CYLD: variants seen among roughly 807,000 people sequenced by gnomAD.
CYLD encodes ubiquitin carboxyl-terminal hydrolase CYLD.
In CYLD, 26 loss-of-function variants were observed where a neutral mutation model predicts 104.5. That is an observed-to-expected ratio of 0.25 (90% CI 0.18 to 0.35). CYLD has a LOEUF of 0.35. CYLD is among the 10% of genes least tolerant of loss of function. The pLI is 1.00. For missense variants in CYLD, 703 were observed against 1,136.1 expected (o/e 0.62, Z 5.48); for synonymous variants, 385 against 399.9 (o/e 0.96, Z 0.45).
intron 3 of CYLD, 65 bp downstream of exon 3, chr16:50,750,267 T>TGCACATACA (rs1463526741): frequency 6.4e-7 from 1 of 1,551,316 alleles, no homozygotes; most frequent in Non-Finnish European, 8.9e-7. Context: ...TGTATTTGTA[T>TGCACATACA]GCACATACAT....
chr16:50,777,898 A>G lies in CYLD; in HGVS notation c.1095A>G (p.Ser365=). 1.9e-6 allele frequency: 3 copies of G among 1,606,574 alleles called. No individual in the cohort carries two copies. The highest frequency in any genetic ancestry group is 2.6e-6 in the Non-Finnish European group (3 of 1,173,542). ...FYTLNGSSVD[S]QPQSKSKNTW... ...CCTTAAATGGGTCTTCTGTTGACTCACAACCACAATCCAAATCAAAAAATA... is the reference window on the plus strand; with the variant it reads ...CCTTAAATGGGTCTTCTGTTGACTCGCAACCACAATCCAAATCAAAAAATA... The change falls in exon 8 of 19, where the codon TCA becomes TCG. Residue 365 remains serine (S), a synonymous_variant. Transcript: ENST00000427738.
In CYLD at chr16:50,742,099, G is replaced by C. The variant is rs886052050; in HGVS notation, c.-229G>C. On this transcript the variant is annotated 5_prime_UTR_variant, in exon 1 of 19. Transcript: ENST00000427738. ...GGGGGCGGGCCCAGGTAGCAGGTTT[G>C]GCTGCGCGGGGGCCGCGCGTCGGAG... is the stretch of plus-strand genomic sequence containing the variant. 2.0e-5 allele frequency: 3 copies of C among 152,492 alleles called. No homozygotes were observed. The highest frequency in any genetic ancestry group is 6.5e-5 in the Admixed American group (1 of 15,294). The allele number at this position is 152,492 out of a possible 1,614,324, so 9.4% of individuals were successfully genotyped here.
chr16:50,768,546 T>C (rs1207102602), intron 5 of CYLD, among the ~76,000 whole-genome samples: 1 of 152,230 alleles, frequency 6.6e-6, no homozygotes, highest in East Asian at 1.9e-4. Flanking sequence ...TTCTGAAGGA[T>C]ACCTTTGATT....
In CYLD at chr16:50,772,223, T is replaced by C. The variant is rs190550259; in HGVS notation, c.914-2943T>C. On this transcript the variant is annotated intron_variant, in intron 5 of 18. Coordinates refer to ENST00000427738, the MANE Select transcript of CYLD (RefSeq NM_001378743.1). ...TCTATGCCTATTGATGTTTCCAGGG[T>C]GCTGATTTTTTTATCTCTAAGTATG... 5.9e-5 allele frequency among the ~76,000 whole-genome samples: 9 copies of C among 152,198 alleles called. No homozygotes were observed. In the East Asian group the frequency reaches 1.7e-3, roughly 29 times the overall value.
chr16:50,752,001 T>G, intron 4 of CYLD, 95 bp downstream of exon 4: 1 of 341,636 alleles, frequency 2.9e-6, no homozygotes. Flanking sequence ...CACACATATA[T>G]ATACACACAT....
chr16:50,743,510 G>A lies in CYLD; in HGVS notation c.-124+669G>A, dbSNP rs191657297. 2.6e-5 allele frequency among the ~76,000 whole-genome samples: 4 copies of A among 152,284 alleles called. No homozygotes were observed. In the South Asian group the frequency reaches 8.3e-4, roughly 32 times the overall value. ...GTAACTTTTGTGAGAAGCAGATAAGGCTTGTTATATAAAGCACAACTAACA... is the reference window on the plus strand; with the variant it reads ...GTAACTTTTGTGAGAAGCAGATAAGACTTGTTATATAAAGCACAACTAACA... On this transcript the variant is annotated intron_variant, in intron 2 of 18. Transcript: ENST00000427738.
intron 8 of CYLD, chr16:50,778,175 T>A: frequency 2.5e-6 from 1 of 404,572 alleles, no homozygotes; most frequent in Non-Finnish European, 4.5e-6. Flanking sequence ...TGCTGATCTA[T>A]TTAGGGTGGA....
chr16:50,795,299 C>T (rs1971915470), intron 18 of CYLD, among the ~76,000 whole-genome samples: 1 of 152,196 alleles, frequency 6.6e-6, no homozygotes, highest in Non-Finnish European at 1.5e-5. Flanking sequence ...GCCTCTTCTG[C>T]ATGTAGTATC....
At chr16:50,774,533 A>G (rs1366252763) in intron 5 of CYLD, among the ~76,000 whole-genome samples, 1 of 152,230 alleles carries the variant, frequency 6.6e-6, no homozygotes, top group African/African-American at 2.4e-5. Context: ...CTTCAGGACT[A>G]TTATTAAGTA....
chr16:50,768,065 G>A (rs1206945590), intron 5 of CYLD, among the ~76,000 whole-genome samples: 4 of 152,152 alleles, frequency 2.6e-5, no homozygotes, highest in Admixed American at 2.6e-4. Flanking sequence ...TTCTAAATCA[G>A]TAGTTATCAT....
At chr16:50,783,854 A>T (rs1453431830) in intron 11 of CYLD, 1 of 181,098 alleles carries the variant, frequency 5.5e-6, no homozygotes, top group Non-Finnish European at 1.2e-5. Flanking sequence ...GTCACTCATA[A>T]GTGATTTTAG....
Position 50,775,175 on chromosome 16 carries a change from G to C in CYLD, c.922+1G>C. The C allele has an allele frequency of 6.3e-7, 1 of 1,596,944 alleles. No homozygotes were observed. Among genetic ancestry groups the C allele is most frequent in the Non-Finnish European group, 8.5e-7 (1 of 1,178,128 alleles). On this transcript the variant is annotated splice_donor_variant, in intron 6 of 18. Transcript: ENST00000427738. LOFTEE classifies it high-confidence loss of function. ...TTTTGCTGACACACAGCTTTATCAGGTATGACTCCTAAGTGTCGTGTTGGA... is the reference window on the plus strand; with the variant it reads ...TTTTGCTGACACACAGCTTTATCAGCTATGACTCCTAAGTGTCGTGTTGGA...
chr16:50,785,423 C>CTTTTTTTTTTTTTTTTTTTTT, intron 12 of CYLD: 1 of 152,058 alleles, frequency 6.6e-6, no homozygotes, highest in East Asian at 1.9e-4. Context: ...ATATCTTTTG[C>CTTTTTTTTTTTTTTTTTTTTT]TTTCTTTAAA....
At chr16:50,755,982 T>C (rs534761798) in intron 5 of CYLD, among the ~76,000 whole-genome samples, 1 of 152,336 alleles carries the variant, frequency 6.6e-6, no homozygotes, top group Non-Finnish European at 1.5e-5. Context: ...CTAGAATCTT[T>C]ATGGTTTCAG....
chr16:50,783,923 G>C, intron 11 of CYLD: 2 of 234,308 alleles, frequency 8.5e-6, no homozygotes, highest in South Asian at 1.2e-4. Context: ...GGAGAGGGAA[G>C]TGGGGCACTG....
intron 5 of CYLD, among the ~76,000 whole-genome samples, chr16:50,759,479 ATC>A (rs1967663429): frequency 6.6e-6 from 1 of 152,186 alleles, no homozygotes; most frequent in Non-Finnish European, 1.5e-5. Flanking sequence ...ATTTAATTAT[ATC>A]TCTGTAGCTA....
rs1330571763 is a variant in CYLD, at chr16:50,776,296, T to C, written c.1021+19T>C. 2.6e-6 allele frequency: 4 copies of C among 1,517,790 alleles called. No homozygotes were observed. Among genetic ancestry groups the C allele is most frequent in the Non-Finnish European group, 3.7e-6 (4 of 1,092,318 alleles). 94.0% of individuals were successfully genotyped at this position (1,517,790 alleles called of 1,614,324 possible). A position where few individuals can be genotyped will look rare whatever the true frequency, so the allele number is the denominator to read the frequency against. ...GCTACAGGTATGGATTAATAGCATA[T>C]AACCTTTAGTAATTTGCATAATGCC... On this transcript the variant is annotated intron_variant, in intron 7 of 18. Coordinates refer to ENST00000427738, the MANE Select transcript of CYLD (RefSeq NM_001378743.1).
At position 50,751,823 on chromosome 16, in the gene CYLD, G is replaced by A. The variant is rs2150904075; in HGVS notation, c.724G>A (p.Glu242Lys). 6.2e-7 allele frequency: 1 copy of A among 1,613,580 alleles called. No individual in the cohort carries two copies. Among genetic ancestry groups the A allele is most frequent in the South Asian group, 1.1e-5 (1 of 91,072 alleles). Residue 242 changes from glutamate to lysine, a missense_variant, in exon 4 of 19, where the codon GAA becomes AAA. Physicochemically the swap from Glu to Lys is moderately conservative, Grantham distance 56 (BLOSUM62 1). Coordinates refer to ENST00000427738, the MANE Select transcript of CYLD (RefSeq NM_001378743.1). ...CTCCAGAGTTTCTTTGAAGGTTGGA[G>A]AAACAATAGAATCTGGAACAGTTAT... ...INSRVSLKVGETIESGTVIFC... is the reference protein window; with the variant it reads ...INSRVSLKVGKTIESGTVIFC...
chr16:50,776,963 T>A (rs147841405), intron 7 of CYLD, among the ~76,000 whole-genome samples: 1 of 152,292 alleles, frequency 6.6e-6, no homozygotes, highest in African/African-American at 2.4e-5. Context: ...AGACTTAGGA[T>A]TAATTGCAGG....
Sources: gnomAD v4.1 joint callset for allele counts (sites outside exome capture counted in the v4.1 genomes callset) on GRCh38, gnomAD v4.1.1 for gene constraint, MANE v1.5 for transcripts, NCBI Gene and HGNC (gene_info 2026-07-23, HGNC 2026-07-21) for gene names.